Variants in EPHA6 observed in about 807,000 individuals in gnomAD.
EPHA6 encodes the protein EPH receptor A6.
A neutral mutation model predicts 112.0 loss-of-function variants in EPHA6; 50 were observed. The observed-to-expected ratio is 0.45, with a 90% CI of 0.36 to 0.56. EPHA6 has a LOEUF of 0.56. Ranked by LOEUF, EPHA6 falls within the 20% of genes least tolerant of loss-of-function variation. The pLI is 0.00. For synonymous variants in EPHA6, 529 were observed against 490.7 expected (o/e 1.08, Z -1.03); for missense variants, 1,280 against 1,417.4 (o/e 0.90, Z 1.56).
chr3:97,013,811 A>C (rs2107953438), intron 3 of EPHA6, among the ~76,000 whole-genome samples: 1 of 152,294 alleles, frequency 6.6e-6, no homozygotes, highest in South Asian at 2.1e-4. Context: ...CTTTGTTTTC[A>C]ACCAAAATAA....
chr3:96,998,899 C>T (rs2043523147), intron 3 of EPHA6, among the ~76,000 whole-genome samples: 1 of 151,834 alleles, frequency 6.6e-6, no homozygotes, highest in Admixed American at 6.6e-5. Context: ...TTAGAATTTT[C>T]ACTTTGACTA....
At chr3:96,993,400 G>A (rs546572682) in intron 3 of EPHA6, among the ~76,000 whole-genome samples, 3 of 151,556 alleles carry the variant, frequency 2.0e-5, no homozygotes, top group South Asian at 2.1e-4. Context: ...GGGTTCAAGC[G>A]ATTCTCAAGC....
At chr3:97,362,056 TG>T (rs1375320780) in intron 5 of EPHA6, among the ~76,000 whole-genome samples, 4 of 152,172 alleles carry the variant, frequency 2.6e-5, no homozygotes, top group Non-Finnish European at 4.4e-5. Flanking sequence ...TAAATAAGTT[TG>T]ACATCATCTT....
intron 5 of EPHA6, among the ~76,000 whole-genome samples, chr3:97,311,789 G>T (rs1026192522): frequency 1.6e-5 from 2 of 121,772 alleles, no homozygotes; most frequent in Non-Finnish European, 3.1e-5. Context: ...TTTTTTATTT[G>T]TCTTAGAGTA....
intron 5 of EPHA6, among the ~76,000 whole-genome samples, chr3:97,272,367 C>T (rs563380989): frequency 1.5e-4 from 22 of 151,698 alleles, no homozygotes; most frequent in African/African-American, 4.8e-4. Flanking sequence ...CTTTGCTGCA[C>T]GACAGGGATA....
At chr3:97,283,069 T>C (rs2080342533) in intron 5 of EPHA6, among the ~76,000 whole-genome samples, 2 of 152,176 alleles carry the variant, frequency 1.3e-5, no homozygotes, top group African/African-American at 4.8e-5. Context: ...AAACAAAGAA[T>C]AGTACTGGAA....
At chr3:97,517,384 G>T (rs982748825) in intron 10 of EPHA6, among the ~76,000 whole-genome samples, 1 of 152,020 alleles carries the variant, frequency 6.6e-6, no homozygotes, top group African/African-American at 2.4e-5. Context: ...AGAAGCAGGG[G>T]TTTGCTCTAG....
At chr3:96,986,271 A>G (rs973255626) in intron 2 of EPHA6, among the ~76,000 whole-genome samples, 2 of 152,204 alleles carry the variant, frequency 1.3e-5, no homozygotes, top group Admixed American at 6.5e-5. Context: ...TATGCAATCA[A>G]GTGGCAAACT....
chr3:97,172,624 C>T (rs1460272476), intron 3 of EPHA6, among the ~76,000 whole-genome samples: 1 of 151,768 alleles, frequency 6.6e-6, no homozygotes. Flanking sequence ...AATTAGATTC[C>T]TTTTTAAGTG....
At chr3:96,861,931 A>G (rs1465627194) in intron 1 of EPHA6, among the ~76,000 whole-genome samples, 4 of 151,932 alleles carry the variant, frequency 2.6e-5, no homozygotes, top group South Asian at 2.1e-4. Flanking sequence ...AAAGCAATCT[A>G]TGTTAGATTT....
chr3:97,556,962 A>G (rs2093120092), intron 11 of EPHA6, among the ~76,000 whole-genome samples: 1 of 152,074 alleles, frequency 6.6e-6, no homozygotes, highest in Non-Finnish European at 1.5e-5. Context: ...TATAGTACAT[A>G]CAAATATTTC....
chr3:96,996,850 A>T (rs1256217142), intron 3 of EPHA6, among the ~76,000 whole-genome samples: 1 of 152,102 alleles, frequency 6.6e-6, no homozygotes, highest in Non-Finnish European at 1.5e-5. Context: ...AGGTCCTAAC[A>T]AGAGATCCAG....
At chr3:97,019,450 T>C (rs2044375801) in intron 3 of EPHA6, among the ~76,000 whole-genome samples, 1 of 152,086 alleles carries the variant, frequency 6.6e-6, no homozygotes, top group Non-Finnish European at 1.5e-5. Context: ...TAGTAATCTA[T>C]CTCCTGTGAA....
intron 5 of EPHA6, among the ~76,000 whole-genome samples, chr3:97,390,931 A>C (rs912396788): frequency 6.6e-6 from 1 of 152,092 alleles, no homozygotes; most frequent in Non-Finnish European, 1.5e-5. Context: ...TAATTTTTAA[A>C]ATGAAACTGT....
intron 7 of EPHA6, among the ~76,000 whole-genome samples, chr3:97,463,260 G>A (rs1211532946): frequency 3.3e-5 from 5 of 151,922 alleles, no homozygotes; most frequent in African/African-American, 4.8e-5. Flanking sequence ...TAAGTAGCAC[G>A]ACTTTCCCCA....
intron 13 of EPHA6, chr3:97,612,353 T>G (rs1300487983): frequency 2.5e-6 from 1 of 399,376 alleles, no homozygotes; most frequent in Non-Finnish European, 4.9e-6. Flanking sequence ...TTCTTTTTAT[T>G]TTCTTCTTTT....
In EPHA6 at chr3:97,331,813, A is replaced by T. The variant is rs548536002; in HGVS notation, c.1607-73337A>T. Among the ~76,000 whole-genome samples, 7 of 152,184 alleles carry T rather than the reference A, an allele frequency of 4.6e-5. No individual in the cohort carries two copies. In the South Asian group the frequency reaches 1.4e-3, roughly 32 times the overall value. On this transcript the variant is annotated intron_variant, in intron 5 of 17. Coordinates refer to ENST00000389672, the MANE Select transcript of EPHA6 (RefSeq NM_001080448.3). Reference sequence around the variant, plus strand: ...GGATTCACAGCCGAATTCACAGCCGAATTTTACCAGAGGTACAAGGAGGAG... The same window carrying T: ...GGATTCACAGCCGAATTCACAGCCGTATTTTACCAGAGGTACAAGGAGGAG...
intron 3 of EPHA6, among the ~76,000 whole-genome samples, chr3:97,130,385 G>GTTTTATAGTTAAATCCAATTTGC (rs370775993): frequency 0.014 from 2,079 of 151,682 alleles, 30 homozygotes; most frequent in Non-Finnish European, 0.021. Flanking sequence ...TGCTTTTATT[G>GTTTTATAGTTAAATCCAATTTGC]TAAATTGGTT....
At chr3:97,110,973 A>C (rs1374140281) in intron 3 of EPHA6, among the ~76,000 whole-genome samples, 1 of 152,190 alleles carries the variant, frequency 6.6e-6, no homozygotes, top group Non-Finnish European at 1.5e-5. Context: ...ATATTTAAAT[A>C]GTTTATATCC....
Sources: allele counts gnomAD v4.1 joint callset (sites outside exome capture counted in the v4.1 genomes callset), GRCh38; gene constraint gnomAD v4.1.1; transcripts MANE v1.5; gene names NCBI Gene and HGNC (gene_info 2026-07-23, HGNC 2026-07-21).